Variants in TIAM1 observed in about 807,000 individuals in gnomAD.
TIAM1 encodes the protein TIAM Rac1 associated GEF 1.
TIAM1 carries 65 observed loss-of-function variants against 163.5 expected under a neutral mutation model. The ratio of observed to expected loss-of-function variants is 0.40; its 90% CI spans 0.33 to 0.49. The LOEUF (loss-of-function observed/expected upper bound fraction) is 0.49. Ranked by LOEUF, TIAM1 falls within the 20% of genes least tolerant of loss-of-function variation. TIAM1 has a pLI of 0.77. For synonymous variants in TIAM1, 833 were observed against 810.1 expected (o/e 1.03, Z -0.48); for missense variants, 1,789 against 2,044.7 (o/e 0.87, Z 2.41).
chr21:31,475,913 T>C (rs989412082), intron 1 of TIAM1, among the ~76,000 whole-genome samples: 3 of 152,242 alleles, frequency 2.0e-5, no homozygotes, highest in Admixed American at 1.3e-4. Context: ...CATTTTTATA[T>C]AAACATCTGA....
chr21:31,385,717 TAA>T (rs35150732), intron 2 of TIAM1, among the ~76,000 whole-genome samples: 224 of 141,260 alleles, frequency 1.6e-3, no homozygotes, highest in African/African-American at 3.9e-3. Flanking sequence ...CTGGAAGATT[TAA>T]AAAAAAAAAA....
At chr21:31,207,868 G>A (rs146686542) in intron 11 of TIAM1, among the ~76,000 whole-genome samples, 1 of 152,182 alleles carries the variant, frequency 6.6e-6, no homozygotes, top group Admixed American at 6.5e-5. Flanking sequence ...GGGATTACAG[G>A]TGTGAGCCAC....
At chr21:31,333,732 G>A (rs76589955) in intron 2 of TIAM1, among the ~76,000 whole-genome samples, 532 of 152,294 alleles carry the variant, frequency 3.5e-3, no homozygotes, top group Non-Finnish European at 5.6e-3. Flanking sequence ...GGGCCATCAC[G>A]CCTGGCCTGA....
At chr21:31,155,142 G>A (rs2083558498) in intron 16 of TIAM1, among the ~76,000 whole-genome samples, 1 of 152,244 alleles carries the variant, frequency 6.6e-6, no homozygotes, top group Non-Finnish European at 1.5e-5. Flanking sequence ...TGAATCAGGT[G>A]TAGACCATAA....
intron 2 of TIAM1, among the ~76,000 whole-genome samples, chr21:31,361,359 T>C (rs2076403397): frequency 6.6e-6 from 1 of 151,900 alleles, no homozygotes; most frequent in Admixed American, 6.6e-5. Context: ...GAAGCAAAAA[T>C]ATGATTCCAT....
chr21:31,465,807 T>C (rs566773118), intron 1 of TIAM1, among the ~76,000 whole-genome samples: 1 of 152,278 alleles, frequency 6.6e-6, no homozygotes, highest in East Asian at 1.9e-4. Flanking sequence ...CCTGACCTCA[T>C]GATCCGCCCT....
intron 2 of TIAM1, among the ~76,000 whole-genome samples, chr21:31,461,913 C>G (rs1487332659): frequency 6.6e-6 from 1 of 152,174 alleles, no homozygotes; most frequent in Non-Finnish European, 1.5e-5. Context: ...GCGATCCTCC[C>G]GCCTCAGCCT....
At chr21:31,511,949 C>T (rs79623928) in intron 1 of TIAM1, among the ~76,000 whole-genome samples, 77 of 152,208 alleles carry the variant, frequency 5.1e-4, no homozygotes, top group African/African-American at 1.4e-3. Flanking sequence ...GCCATGGGCA[C>T]GAAGGAGAGT....
At chr21:31,388,614 T>C (rs1363311581) in intron 2 of TIAM1, among the ~76,000 whole-genome samples, 2 of 152,028 alleles carry the variant, frequency 1.3e-5, no homozygotes, top group East Asian at 1.9e-4. Context: ...GCCATGATCA[T>C]GCCACTGCAT....
chr21:31,531,846 G>T (rs1423065171), intron 1 of TIAM1, among the ~76,000 whole-genome samples: 1 of 152,068 alleles, frequency 6.6e-6, no homozygotes, highest in Non-Finnish European at 1.5e-5. Context: ...GCCAGGCACG[G>T]TGGCTCATGC....
intron 2 of TIAM1, among the ~76,000 whole-genome samples, chr21:31,430,942 T>C (rs2044006737): frequency 6.6e-6 from 1 of 152,230 alleles, no homozygotes; most frequent in South Asian, 2.1e-4. Context: ...CTTCTTGGCA[T>C]GATCTGGCCA....
intron 1 of TIAM1, among the ~76,000 whole-genome samples, chr21:31,493,233 G>A (rs2046534083): frequency 6.6e-6 from 1 of 152,212 alleles, no homozygotes; most frequent in Non-Finnish European, 1.5e-5. Flanking sequence ...ATGAGGGAAA[G>A]CATGAAGGAA....
chr21:31,193,989 G>A (rs1031180094), intron 13 of TIAM1, among the ~76,000 whole-genome samples: 4 of 152,108 alleles, frequency 2.6e-5, no homozygotes, highest in African/African-American at 9.7e-5. Context: ...CTCACACCTG[G>A]TCCAAACAAT....
At chr21:31,467,306 T>C (rs1264288394) in intron 1 of TIAM1, among the ~76,000 whole-genome samples, 1 of 152,134 alleles carries the variant, frequency 6.6e-6, no homozygotes, top group Non-Finnish European at 1.5e-5. Flanking sequence ...CACTCCAGCC[T>C]GAGTGGCAGA....
chr21:31,284,230 T>C (rs2073696271), intron 2 of TIAM1, among the ~76,000 whole-genome samples: 1 of 152,188 alleles, frequency 6.6e-6, no homozygotes, highest in Non-Finnish European at 1.5e-5. Context: ...AAGAGAGTAA[T>C]AATCCTTAAA....
intron 2 of TIAM1, among the ~76,000 whole-genome samples, chr21:31,355,333 C>G (rs913155393): frequency 1.3e-5 from 2 of 152,002 alleles, no homozygotes; most frequent in African/African-American, 4.8e-5. Flanking sequence ...GGATAGTGGC[C>G]ACCTTGGTCT....
At chr21:31,250,298 G>A (rs997663616) in intron 5 of TIAM1, among the ~76,000 whole-genome samples, 1 of 152,148 alleles carries the variant, frequency 6.6e-6, no homozygotes, top group African/African-American at 2.4e-5. Context: ...AGGTGGGAGG[G>A]AAATAAAGTT....
chr21:31,344,437 C>A (rs1416971272), upstream of TIAM1, among the ~76,000 whole-genome samples: 1 of 152,144 alleles, frequency 6.6e-6, no homozygotes, highest in Non-Finnish European at 1.5e-5. Flanking sequence ...CCACCACATC[C>A]TTGGGGGCAA....
chr21:31,169,249 G>GCAC (rs928958023), intron 15 of TIAM1, among the ~76,000 whole-genome samples: 1 of 152,128 alleles, frequency 6.6e-6, no homozygotes, highest in Non-Finnish European at 1.5e-5. Flanking sequence ...AGCCAAGATC[G>GCAC]CACCACTGCA....
Sources: gnomAD v4.1 joint callset for allele counts (sites outside exome capture counted in the v4.1 genomes callset) on GRCh38, gnomAD v4.1.1 for gene constraint, MANE v1.5 for transcripts, NCBI Gene and HGNC (gene_info 2026-07-23, HGNC 2026-07-21) for gene names.